Variants in CNBD1 observed in about 807,000 individuals in gnomAD.
The protein encoded by CNBD1 is cyclic nucleotide binding domain containing 1, also known as cyclic nucleotide-binding domain-containing protein 1.
A neutral mutation model predicts 54.4 loss-of-function variants in CNBD1; 71 were observed. The observed-to-expected ratio is 1.30, with a 90% CI of 1.08 to 1.59. The LOEUF (loss-of-function observed/expected upper bound fraction) is 1.59. Among genes scored for constraint, CNBD1 ranks in the 40% most tolerant of loss-of-function variants. The pLI, the probability that CNBD1 is intolerant of heterozygous loss-of-function variation, is 0.00. For synonymous variants in CNBD1, 182 were observed against 170.7 expected (o/e 1.07, Z -0.51); for missense variants, 659 against 518.0 (o/e 1.27, Z -2.64).
intron 4 of CNBD1, among the ~76,000 whole-genome samples, chr8:87,084,017 T>C (rs1811050512): frequency 6.6e-6 from 1 of 152,198 alleles, no homozygotes; most frequent in South Asian, 2.1e-4. Context: ...TCATGGCCCA[T>C]GGTCACTCAT....
intron 4 of CNBD1, among the ~76,000 whole-genome samples, chr8:87,113,071 G>A (rs1175487281): frequency 6.6e-6 from 1 of 152,182 alleles, no homozygotes; most frequent in Non-Finnish European, 1.5e-5. Flanking sequence ...CTCTCCAGAA[G>A]CAAAAGATCT....
At chr8:87,187,327 A>G (rs2130782755) in intron 4 of CNBD1, among the ~76,000 whole-genome samples, 1 of 152,186 alleles carries the variant, frequency 6.6e-6, no homozygotes, top group South Asian at 2.1e-4. Flanking sequence ...TTTGCTATGC[A>G]GATATTTTCC....
intron 2 of CNBD1, among the ~76,000 whole-genome samples, chr8:86,893,247 G>A (rs973749631): frequency 7.2e-5 from 11 of 152,138 alleles, no homozygotes; most frequent in African/African-American, 9.7e-5. Flanking sequence ...TTTACCTAAC[G>A]TGTACACTCT....
intron 4 of CNBD1, among the ~76,000 whole-genome samples, chr8:87,061,635 A>G (rs916849639): frequency 3.3e-5 from 5 of 152,162 alleles, no homozygotes; most frequent in African/African-American, 1.2e-4. Context: ...GATTTGTTTA[A>G]GAGTGTAGGG....
chr8:87,067,189 G>A (rs771767037), intron 4 of CNBD1, among the ~76,000 whole-genome samples: 67 of 152,028 alleles, frequency 4.4e-4, no homozygotes, highest in African/African-American at 1.6e-3. Flanking sequence ...ATATGTCTAC[G>A]TCTGGTGCTT....
Position 87,166,401 on chromosome 8 carries a change from T to C in CNBD1, c.432-39592T>C, listed in dbSNP as rs1812963837. Among the ~76,000 whole-genome samples, 3 of 151,996 alleles carry C rather than the reference T, an allele frequency of 2.0e-5. No individual in the cohort carries two copies. Among genetic ancestry groups the C allele is most frequent in the Admixed American group, 6.6e-5 (1 of 15,214 alleles). ...TAGCCTCCTTGGCAGGTTTGTATCT[T>C]CCACTACTTCTGCATGCCAGCCTAG... On this transcript the variant is annotated intron_variant, in intron 4 of 10. Transcript: ENST00000518476. The surrounding 1 kb of genome is among the most constrained non-coding windows in gnomAD (Gnocchi z 4.3).
intron 6 of CNBD1, among the ~76,000 whole-genome samples, chr8:87,272,377 T>C (rs1480758464): frequency 6.6e-6 from 1 of 152,014 alleles, no homozygotes; most frequent in Non-Finnish European, 1.5e-5. Context: ...AAATGCCACA[T>C]TGAAAAATTT....
At chr8:86,878,105 T>TGTGAGAGA (rs56785226) in intron 1 of CNBD1, among the ~76,000 whole-genome samples, 5 of 140,876 alleles carry the variant, frequency 3.5e-5, no homozygotes, top group Non-Finnish European at 1.6e-5. Flanking sequence ...TGTGTGTGTG[T>TGTGAGAGA]GAGAGAGAGA....
chr8:87,181,340 C>A (rs918063691), intron 4 of CNBD1, among the ~76,000 whole-genome samples: 2 of 152,110 alleles, frequency 1.3e-5, no homozygotes, highest in African/African-American at 2.4e-5. Flanking sequence ...ATATAATATA[C>A]AAATAACAGC....
chr8:87,324,339 C>A (rs1289118739), intron 8 of CNBD1, among the ~76,000 whole-genome samples: 2 of 126,162 alleles, frequency 1.6e-5, no homozygotes, highest in South Asian at 2.3e-4. Context: ...GGGAGGATTC[C>A]CTCTTTTTCT....
intron 4 of CNBD1, among the ~76,000 whole-genome samples, chr8:86,990,192 T>C (rs1808714542): frequency 6.6e-6 from 1 of 152,210 alleles, no homozygotes; most frequent in South Asian, 2.1e-4. Context: ...GTGCAGAAGC[T>C]TTATAACTTG....
intron 4 of CNBD1, among the ~76,000 whole-genome samples, chr8:86,941,228 A>C (rs577693752): frequency 3.3e-5 from 5 of 152,224 alleles, no homozygotes; most frequent in Non-Finnish European, 7.3e-5. Flanking sequence ...AGGAAATCTT[A>C]ACCACCTGTC....
chr8:87,367,582 G>A (rs544044206), intron 10 of CNBD1, among the ~76,000 whole-genome samples: 2 of 152,210 alleles, frequency 1.3e-5, no homozygotes, highest in Non-Finnish European at 2.9e-5. Context: ...TGGATTCTGA[G>A]CTGATTCTCC....
chr8:87,423,017 T>G (rs1182546148), intron 2 of CNBD1, among the ~76,000 whole-genome samples: 1 of 151,910 alleles, frequency 6.6e-6, no homozygotes, highest in African/African-American at 2.4e-5. Flanking sequence ...TTCCTAGGTA[T>G]TTTATTCTCT....
rs181151305 is a variant in CNBD1 at position 87,227,115 on chromosome 8, A to T, written c.578-9804A>T. The stretch of plus-strand genomic sequence containing the variant: ...TTGGTAGATCTTCCTCCATCCTTTT[A>T]TTTTGAGCCCATGTGTGTCTCTGCA... On this transcript the variant is annotated intron_variant, in intron 5 of 10. Transcript: ENST00000518476. 2.6e-5 allele frequency among the ~76,000 whole-genome samples: 4 copies of T among 151,916 alleles called. No homozygotes were observed. The South Asian group carries it at 6.2e-4, about 24-fold the overall frequency.
intron 4 of CNBD1, among the ~76,000 whole-genome samples, chr8:86,985,728 C>T (rs1272586689): frequency 6.6e-6 from 1 of 152,044 alleles, no homozygotes; most frequent in Non-Finnish European, 1.5e-5. Context: ...AATGGGTTTG[C>T]TAGATTGAAT....
chr8:87,129,744 A>G (rs1168014576), intron 4 of CNBD1, among the ~76,000 whole-genome samples: 1 of 151,904 alleles, frequency 6.6e-6, no homozygotes, highest in African/African-American at 2.4e-5. Context: ...TGTTATTTTT[A>G]TTCAGTCTCA....
At chr8:87,369,745 C>G (rs550904517) in intron 10 of CNBD1, among the ~76,000 whole-genome samples, 1 of 151,422 alleles carries the variant, frequency 6.6e-6, no homozygotes, top group Non-Finnish European at 1.5e-5. Flanking sequence ...TATTATTATA[C>G]TTTAAGTTTT....
chr8:87,001,685 C>T (rs920530866), intron 4 of CNBD1, among the ~76,000 whole-genome samples: 1 of 152,152 alleles, frequency 6.6e-6, no homozygotes, highest in Non-Finnish European at 1.5e-5. Flanking sequence ...TGGGATCATG[C>T]ATAATTAAGG....
Sources: allele counts gnomAD v4.1 joint callset (sites outside exome capture counted in the v4.1 genomes callset), GRCh38; gene constraint gnomAD v4.1.1; non-coding constraint Gnocchi (gnomAD v3.1); transcripts MANE v1.5; gene names NCBI Gene and HGNC (gene_info 2026-07-23, HGNC 2026-07-21).